PUS7L: variants seen among roughly 807,000 people sequenced by gnomAD.
PUS7L encodes the protein pseudouridylate synthase PUS7L.
A neutral mutation model predicts 51.1 loss-of-function variants in PUS7L; 49 were observed. That is an observed-to-expected ratio of 0.96 (90% CI 0.76 to 1.22). The LOEUF (loss-of-function observed/expected upper bound fraction) is 1.22. Among genes scored for constraint, PUS7L ranks in the 50% most tolerant of loss-of-function variants. PUS7L has a pLI of 0.00. For synonymous variants in PUS7L, 277 were observed against 276.2 expected (o/e 1.00, Z -0.03); for missense variants, 828 against 820.6 (o/e 1.01, Z -0.11).
chr12:43,731,880 A>G lies in PUS7L; in HGVS notation c.1726-122T>C, dbSNP rs113884931. On this transcript the variant is annotated intron_variant, in intron 7 of 8. Transcript: ENST00000344862. ...CCTATGCTGAATATACATAAACCCA[A>G]ACAAGATCTTATCATAATTTGTTTC... is the stretch of plus-strand genomic sequence containing the variant. 3,260 of 619,142 alleles carry G rather than the reference A, an allele frequency of 5.3e-3. 85 individuals carry two copies. In the African/African-American group the frequency reaches 0.053, roughly 10 times the overall value. The allele number at this position is 619,142 out of a possible 1,614,324, so 38.4% of individuals were successfully genotyped here.
In PUS7L at chr12:43,719,494, G is replaced by C. The variant is rs1475860059; in HGVS notation, c.*10882C>G. Reference sequence around the variant, plus strand: ...TGGTCTCATAAAGTAAGAAACAGGTGGGGGGACTCTTCTTTATTTTTTCTA... The same window carrying C: ...TGGTCTCATAAAGTAAGAAACAGGTCGGGGGACTCTTCTTTATTTTTTCTA... On this transcript the variant is annotated 3_prime_UTR_variant, in exon 9 of 9. Coordinates refer to ENST00000344862, the MANE Select transcript of PUS7L (RefSeq NM_031292.5). 1.3e-5 allele frequency: 2 copies of C among 151,814 alleles called. No homozygotes were observed. The highest frequency in any genetic ancestry group is 4.9e-5 in the African/African-American group (2 of 41,144). 9.4% of individuals were successfully genotyped at this position (151,814 alleles called of 1,614,324 possible).
rs1013147742 is a variant in PUS7L at position 43,724,263 on chromosome 12, C to A, written c.*6113G>T. ...CCTAATTTGAATGAACTACTGAATC[C>A]CCAGATTTAGAAATAGTTGTTTCTA... is the stretch of plus-strand genomic sequence containing the variant. On this transcript the variant is annotated 3_prime_UTR_variant, in exon 9 of 9. Coordinates refer to ENST00000344862, the MANE Select transcript of PUS7L (RefSeq NM_031292.5). 6.6e-6 allele frequency: 1 copy of A among 151,206 alleles called. No individual in the cohort carries two copies. Among genetic ancestry groups the A allele is most frequent in the African/African-American group, 2.4e-5 (1 of 41,202 alleles). 9.4% of individuals were successfully genotyped at this position (151,206 alleles called of 1,614,324 possible).
In PUS7L at chr12:43,755,230, C is replaced by G. The variant is rs772243053; in HGVS notation, c.16G>C (p.Asp6His). ...AAAGAACTAAACCTGATTCTATAAT[C>G]TGTATCTTCTTCCATTCTTCTATAA... MEEDTDYRIRFSSLCF... is the reference protein window; with the variant it reads MEEDTHYRIRFSSLCF... The change falls in exon 2 of 9, where the codon GAT becomes CAT. Residue 6 changes from aspartate to histidine, a missense_variant. Asp to His is a moderately conservative substitution (Grantham distance 81). Transcript: ENST00000344862. The G allele has an allele frequency of 1.3e-6, 2 of 1,593,206 alleles. No individual in the cohort carries two copies. Among genetic ancestry groups the G allele is most frequent in the Admixed American group, 3.6e-5 (2 of 56,082 alleles).
Position 43,729,232 on chromosome 12 carries a change from G to A in PUS7L, c.*1144C>T, listed in dbSNP as rs868037242. 5.0e-6 allele frequency: 2 copies of A among 397,750 alleles called. No individual in the cohort carries two copies. Among genetic ancestry groups the A allele is most frequent in the Non-Finnish European group, 8.9e-6 (2 of 225,600 alleles). The allele number at this position is 397,750 out of a possible 1,614,324, so 24.6% of individuals were successfully genotyped here. A position where few individuals can be genotyped will look rare whatever the true frequency, so the allele number is the denominator to read the frequency against. ...GAAAATATTGCAATAAGCAAATTTT[G>A]CATTGCATATAGCTTCTCTTCCTTC... is the stretch of plus-strand genomic sequence containing the variant. On this transcript the variant is annotated 3_prime_UTR_variant, in exon 9 of 9. Transcript: ENST00000344862.
intron 4 of PUS7L, among the ~76,000 whole-genome samples, chr12:43,745,498 C>T (rs1299896858): frequency 6.6e-6 from 1 of 152,172 alleles, no homozygotes; most frequent in Non-Finnish European, 1.5e-5. Context: ...ACTTCTCCTT[C>T]CTGCCACCAT....
Position 43,730,696 on chromosome 12 carries a change from G to T in PUS7L, c.1786C>A (p.Leu596Ile). Residue 596 changes from leucine to isoleucine, a missense_variant, in exon 9 of 9, where the codon CTT becomes ATT. By Grantham distance (5) the Leu-to-Ile change is conservative. Transcript: ENST00000344862. ...ANMYAIHQVV[L>I]PVLGYNIQYP... ...TGAATATTGTATCCAAGTACTGGAA[G>T]AACCACCTGTGAAAGAAAAGAGGGA... 6.3e-7 allele frequency: 1 copy of T among 1,584,780 alleles called. No homozygotes were observed. Among genetic ancestry groups the T allele is most frequent in the Non-Finnish European group, 8.6e-7 (1 of 1,160,320 alleles).
chr12:43,751,785 A>C lies in PUS7L; in HGVS notation c.910+2551T>G, dbSNP rs550929568. 7.7e-4 allele frequency among the ~76,000 whole-genome samples: 118 copies of C among 152,302 alleles called. 1 individual carries two copies. The highest frequency in any genetic ancestry group is 2.7e-3 in the African/African-American group (114 of 41,564). The stretch of plus-strand genomic sequence containing the variant: ...GAGGAATTGCCACACTGTCTTCCAC[A>C]ATGGTTGAACTAGTTTACAGTCCCA... On this transcript the variant is annotated intron_variant, in intron 2 of 8. Coordinates refer to ENST00000344862, the MANE Select transcript of PUS7L (RefSeq NM_031292.5).
chr12:43,721,264 A>ACTT lies in PUS7L; in HGVS notation c.*9109_*9111dup, dbSNP rs1248095843. ...TTTACAATCTAGAGGAAGCTACTTA[A>ACTT]CTTCTTCAAGCCCTGGAATCCTCAT... On this transcript the variant is annotated 3_prime_UTR_variant, in exon 9 of 9. Coordinates refer to ENST00000344862, the MANE Select transcript of PUS7L (RefSeq NM_031292.5). The ACTT allele has an allele frequency of 6.6e-6, 1 of 152,154 alleles. No homozygotes were observed. Among genetic ancestry groups the ACTT allele is most frequent in the Non-Finnish European group, 1.5e-5 (1 of 68,020 alleles). The allele number at this position is 152,154 out of a possible 1,614,324, so 9.4% of individuals were successfully genotyped here.
Position 43,727,927 on chromosome 12 carries a change from G to GT in PUS7L, c.*2448dup, listed in dbSNP as rs1163411628. The GT allele has an allele frequency of 1.3e-5, 2 of 152,102 alleles. No homozygotes were observed. Among genetic ancestry groups the GT allele is most frequent in the Non-Finnish European group, 2.9e-5 (2 of 68,010 alleles). 9.4% of individuals were successfully genotyped at this position (152,102 alleles called of 1,614,324 possible). On this transcript the variant is annotated 3_prime_UTR_variant, in exon 9 of 9. Coordinates refer to ENST00000344862, the MANE Select transcript of PUS7L (RefSeq NM_031292.5). Reference sequence around the variant, plus strand: ...GGGTAGGTTTGAGATGTTTGGGTAGGTTAAGTGGGCATTTTGATGACACAG... The same window carrying GT: ...GGGTAGGTTTGAGATGTTTGGGTAGGTTTAAGTGGGCATTTTGATGACACAG...
rs138612305 is a variant in PUS7L at position 43,720,265 on chromosome 12, T to C, written c.*10111A>G. 0.063 allele frequency: 9,666 copies of C among 152,232 alleles called. 307 individuals carry two copies. Among genetic ancestry groups the C allele is most frequent in the Middle Eastern group, 0.16 (48 of 294 alleles). 9.4% of individuals were successfully genotyped at this position (152,232 alleles called of 1,614,324 possible). On this transcript the variant is annotated 3_prime_UTR_variant, in exon 9 of 9. Transcript: ENST00000344862. ...TTGGGAGGCTGAGGCTGGCAGATCA[T>C]TTGAGGTCAGGAGTTTGAGACCAGC...
At chr12:43,750,417 T>C (rs767254241) in intron 2 of PUS7L, among the ~76,000 whole-genome samples, 12 of 152,242 alleles carry the variant, frequency 7.9e-5, no homozygotes, top group Non-Finnish European at 7.3e-5. Context: ...TCTTTTTACA[T>C]TGAATCTTAT....
chr12:43,745,922 T>C (rs1441548453), intron 4 of PUS7L, 124 bp downstream of exon 4: 4 of 531,880 alleles, frequency 7.5e-6, no homozygotes, highest in South Asian at 2.9e-5. Context: ...TAGAAAATAA[T>C]TAATCACTTT....
intron 1 of PUS7L, among the ~76,000 whole-genome samples, chr12:43,756,416 C>T (rs780503299): frequency 1.3e-5 from 2 of 152,110 alleles, no homozygotes; most frequent in Admixed American, 6.5e-5. Flanking sequence ...TGTCACTGTT[C>T]GTTGCAAGCC....
intron 4 of PUS7L, among the ~76,000 whole-genome samples, chr12:43,744,000 T>G (rs1376936541): frequency 2.0e-5 from 3 of 152,170 alleles, no homozygotes; most frequent in Non-Finnish European, 2.9e-5. Flanking sequence ...AATTCCTTTC[T>G]CACATCATAA....
chr12:43,745,472 T>C (rs1324888853), intron 4 of PUS7L, among the ~76,000 whole-genome samples: 2 of 152,168 alleles, frequency 1.3e-5, no homozygotes, highest in Admixed American at 6.5e-5. Flanking sequence ...AAGGGGCTTT[T>C]CCTCCTTTGC....
At chr12:43,742,812 G>T in intron 4 of PUS7L, 1 of 233,740 alleles carries the variant, frequency 4.3e-6, no homozygotes, top group Non-Finnish European at 7.0e-6. Flanking sequence ...GTTACTGAGG[G>T]ATTTCCTGGG....
intron 5 of PUS7L, among the ~76,000 whole-genome samples, chr12:43,740,483 A>G (rs1937843168): frequency 6.6e-6 from 1 of 152,248 alleles, no homozygotes; most frequent in Non-Finnish European, 1.5e-5. Context: ...GGGAAGCCCA[A>G]GATGATTCAG....
rs764132662 is a variant in PUS7L, at chr12:43,755,055, G to A, written c.191C>T (p.Pro64Leu). ...IFKISEIQLE[P>L]NNFPKKPKLD... ...TTTTGGTTTTTTGGGAAAATTATTT[G>A]GCTCAAGTTGTATTTCACTAATCTT... The change falls in exon 2 of 9, where the codon CCA becomes CTA. Residue 64 changes from proline (P) to leucine (L), a missense_variant. By Grantham distance (98) the Pro-to-Leu change is moderately conservative. Coordinates refer to ENST00000344862, the MANE Select transcript of PUS7L (RefSeq NM_031292.5). 6.2e-7 allele frequency: 1 copy of A among 1,613,022 alleles called. No individual in the cohort carries two copies. Among genetic ancestry groups the A allele is most frequent in the East Asian group, 2.2e-5 (1 of 44,812 alleles).
In PUS7L at chr12:43,742,492, C is replaced by A; in HGVS notation, c.1327G>T (p.Asp443Tyr). ...TTCAGCAAAGCTAGTCCAATTTGGT[C>A]TGTGTGAACTTTCCTTCCCTTCCCA... The part of the protein sequence containing the change: ...RFGKGRKVHT[D>Y]QIGLALLKNE... The change falls in exon 5 of 9, where the codon GAC becomes TAC. Residue 443 changes from aspartate (D) to tyrosine (Y), a missense_variant. Physicochemically the swap from Asp to Tyr is radical, Grantham distance 160 (BLOSUM62 -3). Coordinates refer to ENST00000344862, the MANE Select transcript of PUS7L (RefSeq NM_031292.5). The A allele has an allele frequency of 1.2e-6, 2 of 1,609,980 alleles. No homozygotes were observed. Among genetic ancestry groups the A allele is most frequent in the South Asian group, 2.2e-5 (2 of 90,388 alleles).
Sources: allele counts gnomAD v4.1 joint callset (sites outside exome capture counted in the v4.1 genomes callset), GRCh38; gene constraint gnomAD v4.1.1; transcripts MANE v1.5; gene names NCBI Gene and HGNC (gene_info 2026-07-23, HGNC 2026-07-21).